FH: variants seen among roughly 807,000 people sequenced by gnomAD.
FH encodes fumarate hydratase.
Under a neutral mutation model 49.4 loss-of-function variants are expected in FH, and 22 were observed. The ratio of observed to expected loss-of-function variants is 0.45; its 90% confidence interval spans 0.32 to 0.64. The LOEUF (loss-of-function observed/expected upper bound fraction) is 0.64, where lower values mean the gene tolerates loss of function less well. FH is among the 30% of genes least tolerant of loss of function. FH has a pLI of 0.05. For synonymous variants in FH, 208 were observed against 223.0 expected, an observed-to-expected ratio of 0.93 and a Z score of 0.60; for missense variants, 526 against 641.5, an observed-to-expected ratio of 0.82 and a Z score of 1.95.
chr1:241,505,898 T>A, intron 6 of FH, 105 bp downstream of exon 6: 1 of 1,071,552 alleles, frequency 9.3e-7, no homozygotes, highest in South Asian at 1.3e-5. Context: ...AAAATATCAT[T>A]TCTAACTTTA....
At chr1:241,503,890 T>A in intron 7 of FH, 152 bp downstream of exon 7, 1 of 812,660 alleles carries the variant, frequency 1.2e-6, no homozygotes, top group Non-Finnish European at 2.1e-6. Context: ...TGCCCAGCAG[T>A]CCTGACCAGA....
Position 241,511,939 on chromosome 1 carries a change from C to CA in FH, c.555+27dup, listed in dbSNP as rs569920379. 1.0e-3 allele frequency: 1,680 copies of CA among 1,611,688 alleles called. 15 individuals are homozygous for CA. In the African/African-American group the frequency reaches 0.016, roughly 16 times the overall value. On this transcript the variant is annotated intron_variant, in intron 4 of 9. Transcript: ENST00000366560. ...TCAGGTATGCTTTTCAATTTATAACCAAAAAACAGCAAAGCTCACATACTG... is the reference window on the plus strand; with the variant it reads ...TCAGGTATGCTTTTCAATTTATAACCAAAAAAACAGCAAAGCTCACATACTG...
chr1:241,519,175 G>A, intron 1 of FH: 1 of 193,694 alleles, frequency 5.2e-6, no homozygotes, highest in South Asian at 8.1e-5. Context: ...GGGGCAGGAC[G>A]GTGCGGGAGC....
chr1:241,503,948 G>A (rs1573880223), intron 7 of FH, 94 bp downstream of exon 7: 1 of 1,327,260 alleles, frequency 7.5e-7, no homozygotes, highest in Admixed American at 2.0e-5. Context: ...CCAGCTGCGG[G>A]ATAACTTTAA....
chr1:241,499,411 G>A (rs942820789), intron 9 of FH, among the ~76,000 whole-genome samples: 3 of 152,144 alleles, frequency 2.0e-5, no homozygotes, highest in African/African-American at 7.2e-5. Flanking sequence ...ACGAGCCTCT[G>A]GGTTCCCCTT....
In FH at chr1:241,506,144, C is replaced by T. The variant is rs752144845; in HGVS notation, c.763G>A (p.Val255Ile). ...GQEFSGYVQQ[V>I]KYAMTRIKAA... ...TTTATTCTTGTCATTGCATATTTTA[C>T]TTGTTGAACATAACCACTAAATTCC... The change falls in exon 6 of 10, where the codon GTA becomes ATA. Residue 255 changes from valine to isoleucine, a missense_variant. Physicochemically the swap from Val to Ile is conservative, Grantham distance 29. Coordinates refer to ENST00000366560, the MANE Select transcript of FH (RefSeq NM_000143.4). 3 of 1,613,660 alleles carry T rather than the reference C, an allele frequency of 1.9e-6. No homozygotes were observed. Among genetic ancestry groups the T allele is most frequent in the South Asian group, 1.1e-5 (1 of 91,070 alleles).
chr1:241,507,615 G>T (rs1001989204), intron 5 of FH, among the ~76,000 whole-genome samples: 3 of 152,126 alleles, frequency 2.0e-5, no homozygotes, highest in Admixed American at 1.3e-4. Context: ...CTGAGTCATG[G>T]CCCAAATGGT....
rs1553340724 is a variant in FH at position 241,500,602 on chromosome 1, T to TGAGTGAGAGAGA, written c.1237-13_1237-12insTCTCTCTCACTC. 90 of 1,490,676 alleles carry TGAGTGAGAGAGA rather than the reference T, an allele frequency of 6.0e-5. No homozygotes were observed. The highest frequency in any genetic ancestry group is 5.0e-4 in the East Asian group (21 of 42,304). 92.3% of individuals were successfully genotyped at this position (1,490,676 alleles called of 1,614,324 possible). On this transcript the variant is annotated splice_polypyrimidine_tract_variant and intron_variant, in intron 8 of 9. Transcript: ENST00000366560. ...AACACATTTTTAATCTTTGAGTGAG[T>TGAGTGAGAGAGA]GAGAGAGAGAGAGAGAGAGAGAGAG...
chr1:241,506,842 G>T (rs1325286942), intron 5 of FH, among the ~76,000 whole-genome samples: 2 of 152,136 alleles, frequency 1.3e-5, no homozygotes, highest in Admixed American at 1.3e-4. Flanking sequence ...CAGAATTTAT[G>T]TTTTGAACAC....
rs149364921 is a variant in FH at position 241,519,133 on chromosome 1, C to T, written c.132+458G>A. 3.8e-4 allele frequency: 64 copies of T among 167,134 alleles called. No individual in the cohort carries two copies. In the East Asian group the frequency reaches 9.6e-3, roughly 25 times the overall value. The allele number at this position is 167,134 out of a possible 1,614,324, so 10.4% of individuals were successfully genotyped here. On this transcript the variant is annotated intron_variant, in intron 1 of 9. Transcript: ENST00000366560. The stretch of plus-strand genomic sequence containing the variant: ...GTTCAGAAACCACTAGATGCACAGG[C>T]GGCCAGTGTCCGGCCAGCAAGGCCC...
At chr1:241,519,480 C>T in intron 1 of FH, 111 bp downstream of exon 1, 4 of 1,334,762 alleles carry the variant, frequency 3.0e-6, no homozygotes, top group Non-Finnish European at 4.0e-6. Flanking sequence ...GAGTCTGGCG[C>T]GGCCCGGACG....
intron 1 of FH, among the ~76,000 whole-genome samples, chr1:241,518,569 T>C (rs1056646581): frequency 3.3e-5 from 5 of 152,184 alleles, no homozygotes; most frequent in African/African-American, 1.2e-4. Flanking sequence ...ATACCCTAGA[T>C]GGGGCACTTA....
rs1659653345 is a variant in FH, at chr1:241,497,639, T to G, written c.*189A>C. Reference sequence around the variant, plus strand: ...TTTCCTTTTTATTTTATAAATGTATTTTATTTTATACTTGTTTAATCCATC... The same window carrying G: ...TTTCCTTTTTATTTTATAAATGTATGTTATTTTATACTTGTTTAATCCATC... On this transcript the variant is annotated 3_prime_UTR_variant, in exon 10 of 10. Transcript: ENST00000366560. The G allele has an allele frequency of 2.0e-6, 1 of 500,686 alleles. No homozygotes were observed. Among genetic ancestry groups the G allele is most frequent in the Admixed American group, 3.5e-5 (1 of 28,426 alleles). 31.0% of individuals were successfully genotyped at this position (500,686 alleles called of 1,614,324 possible).
intron 2 of FH, among the ~76,000 whole-genome samples, chr1:241,514,373 C>T (rs138093801): frequency 5.9e-5 from 9 of 152,174 alleles, no homozygotes; most frequent in South Asian, 2.1e-4. Context: ...TGACAGCTTC[C>T]GATATATATA....
rs377194558 is a variant in FH, at chr1:241,502,950, T to C, written c.1109-380A>G. 4.6e-5 allele frequency among the ~76,000 whole-genome samples: 7 copies of C among 152,282 alleles called. No homozygotes were observed. In the South Asian group the frequency reaches 1.5e-3, roughly 32 times the overall value. On this transcript the variant is annotated intron_variant, in intron 7 of 9. Transcript: ENST00000366560. ...ATTATAAGGGGTAAATACAGAGTAG[T>C]GTATGCTGCTATCAGAACACTTATA...
At chr1:241,499,449 C>A (rs552890423) in intron 9 of FH, among the ~76,000 whole-genome samples, 109 of 152,274 alleles carry the variant, frequency 7.2e-4, no homozygotes, top group African/African-American at 2.4e-3. Context: ...AGTTGATGTA[C>A]CATAATTTTA....
At chr1:241,505,960 TAATGAGAAATGAA>T (rs1322179655) in intron 6 of FH, 30 bp downstream of exon 6, 3 of 1,580,070 alleles carry the variant, frequency 1.9e-6, no homozygotes, top group Middle Eastern at 1.7e-4. Flanking sequence ...AGACCACGTA[TAATGAGAAATGAA>T]AATGAGAAAT....
intron 1 of FH, 42 bp from the exon 2 acceptor site, chr1:241,517,358 C>T: frequency 6.2e-7 from 1 of 1,611,012 alleles, no homozygotes; most frequent in Non-Finnish European, 8.5e-7. Flanking sequence ...TGAAAAGAAA[C>T]CCAGGATCAA....
At chr1:241,516,179 C>T (rs546911920) in intron 2 of FH, among the ~76,000 whole-genome samples, 36 of 152,196 alleles carry the variant, frequency 2.4e-4, no homozygotes, top group African/African-American at 8.2e-4. Flanking sequence ...AAATACCCAG[C>T]AAGAGTGAAA....
Sources: gnomAD v4.1 joint callset for allele counts (sites outside exome capture counted in the v4.1 genomes callset) on GRCh38, gnomAD v4.1.1 for gene constraint, MANE v1.5 for transcripts, NCBI Gene and HGNC (gene_info 2026-07-23, HGNC 2026-07-21) for gene names.